FTO: variants seen among roughly 807,000 people sequenced by gnomAD.
The protein encoded by FTO is FTO alpha-ketoglutarate dependent dioxygenase.
A neutral mutation model predicts 63.9 loss-of-function variants in FTO; 47 were observed. That is an observed-to-expected ratio of 0.74 (90% confidence interval 0.58 to 0.94). The LOEUF is 0.94. Among genes scored for constraint, FTO ranks in the 40% least tolerant of loss-of-function variants. FTO has a pLI of 0.00. For synonymous variants in FTO, 207 were observed against 224.4 expected, an observed-to-expected ratio of 0.92 and a Z score of 0.69; for missense variants, 562 against 618.1, an observed-to-expected ratio of 0.91 and a Z score of 0.96.
Position 54,119,675 on chromosome 16 carries a change from G to T in FTO, c.*7760G>T, listed in dbSNP as rs1326057006. 1 of 152,092 alleles carries T rather than the reference G, an allele frequency of 6.6e-6. No individual in the cohort carries two copies. Among genetic ancestry groups the T allele is most frequent in the South Asian group, 2.1e-4 (1 of 4,812 alleles). The allele number at this position is 152,092 out of a possible 1,614,324, so 9.4% of individuals were successfully genotyped here. ...TTAGTAGGCAGCGTATTTCATACAT[G>T]CCCCTTGATCAATGGAATGATCTGT... On this transcript the variant is annotated 3_prime_UTR_variant, in exon 9 of 9. Coordinates refer to ENST00000471389, the MANE Select transcript of FTO (RefSeq NM_001080432.3).
At chr16:53,741,544 G>T (rs998059488) in intron 1 of FTO, among the ~76,000 whole-genome samples, 7 of 152,094 alleles carry the variant, frequency 4.6e-5, no homozygotes, top group Admixed American at 6.5e-5. Flanking sequence ...AATTAAAATT[G>T]ATTTTAATTG....
chr16:53,826,198 C>T lies in FTO; in HGVS notation c.458C>T (p.Ala153Val). The T allele has an allele frequency of 3.1e-6, 5 of 1,614,194 alleles. No individual in the cohort carries two copies. Among genetic ancestry groups the T allele is most frequent in the Non-Finnish European group, 1.7e-6 (2 of 1,180,034 alleles). Residue 153 changes from alanine (A) to valine (V), a missense_variant, in exon 3 of 9, where the codon GCT becomes GTT. Transcript: ENST00000471389. ...TACCTGCAGATAGAAACCATCCAGGCTTTGGAAGAACTTGCTGCCAAAGAG... is the reference window on the plus strand; with the variant it reads ...TACCTGCAGATAGAAACCATCCAGGTTTTGGAAGAACTTGCTGCCAAAGAG... ...NDYLQIETIQ[A>V]LEELAAKEKA...
intron 1 of FTO, among the ~76,000 whole-genome samples, chr16:53,742,432 A>T (rs991722755): frequency 6.6e-6 from 1 of 152,170 alleles, no homozygotes; most frequent in Non-Finnish European, 1.5e-5. Context: ...AAAAATTTCG[A>T]TAATAGACAC....
rs1359399008 is a variant in FTO at position 54,117,630 on chromosome 16, G to C, written c.*5715G>C. Reference sequence around the variant, plus strand: ...CACTATCCCATATATTATCCCATTTGCTCTTCACAGCTTCCATTTTTCGCT... The same window carrying C: ...CACTATCCCATATATTATCCCATTTCCTCTTCACAGCTTCCATTTTTCGCT... On this transcript the variant is annotated 3_prime_UTR_variant, in exon 9 of 9. Coordinates refer to ENST00000471389, the MANE Select transcript of FTO (RefSeq NM_001080432.3). 1 of 152,128 alleles carries C rather than the reference G, an allele frequency of 6.6e-6. No individual in the cohort carries two copies. The highest frequency in any genetic ancestry group is 1.5e-5 in the Non-Finnish European group (1 of 68,032). 9.4% of individuals were successfully genotyped at this position (152,128 alleles called of 1,614,324 possible).
chr16:53,874,647 T>C (rs1283798912), intron 5 of FTO, among the ~76,000 whole-genome samples: 1 of 152,150 alleles, frequency 6.6e-6, no homozygotes, highest in Non-Finnish European at 1.5e-5. Flanking sequence ...AAGTGAGAGG[T>C]ACAGGTGCAA....
chr16:54,083,505 G>A (rs2086194022), intron 8 of FTO, among the ~76,000 whole-genome samples: 1 of 152,218 alleles, frequency 6.6e-6, no homozygotes, highest in Admixed American at 6.5e-5. Flanking sequence ...AATAGTCCTT[G>A]AAATAGTTAC....
intron 8 of FTO, among the ~76,000 whole-genome samples, chr16:54,066,123 G>T (rs568402089): frequency 6.6e-6 from 1 of 152,302 alleles, no homozygotes; most frequent in East Asian, 1.9e-4. Context: ...TAGCATCTGA[G>T]GAGTTACCAC....
chr16:54,054,408 A>C (rs1241373827), intron 8 of FTO: 3 of 152,210 alleles, frequency 2.0e-5, no homozygotes, highest in Admixed American at 2.0e-4. Context: ...TGTGTTCACC[A>C]CACTTCCAAT....
chr16:53,876,530 A>G (rs537574497), intron 5 of FTO, among the ~76,000 whole-genome samples: 3 of 152,362 alleles, frequency 2.0e-5, no homozygotes, highest in Admixed American at 2.0e-4. Context: ...TCTGCAAATC[A>G]TATATCTCAT....
chr16:54,101,347 A>C (rs1384535169), intron 8 of FTO, among the ~76,000 whole-genome samples: 1 of 152,080 alleles, frequency 6.6e-6, no homozygotes, highest in Non-Finnish European at 1.5e-5. Flanking sequence ...GGTTCTTATC[A>C]TTTAACTCCC....
intron 1 of FTO, among the ~76,000 whole-genome samples, chr16:53,766,333 C>T (rs528398363): frequency 4.0e-4 from 61 of 152,246 alleles, no homozygotes; most frequent in Non-Finnish European, 5.6e-4. Context: ...TTCAGCGATC[C>T]TCTCACCTTA....
At chr16:53,732,876 G>A (rs79454374) in intron 1 of FTO, among the ~76,000 whole-genome samples, 8,841 of 152,176 alleles carry the variant, frequency 0.058, 844 homozygotes, top group African/African-American at 0.2. Context: ...GTAAGGAAAA[G>A]AAGGAATCTG....
intron 8 of FTO, among the ~76,000 whole-genome samples, chr16:53,997,182 AGAAG>A (rs371338322): frequency 1.3e-4 from 20 of 151,372 alleles, no homozygotes; most frequent in African/African-American, 4.8e-4. Context: ...AGGGAGAGAA[AGAAG>A]GAAGGAAGGA....
intron 8 of FTO, among the ~76,000 whole-genome samples, 159 bp from the exon 9 acceptor site, chr16:54,111,603 A>G (rs776481855): frequency 6.6e-6 from 1 of 152,102 alleles, no homozygotes; most frequent in Non-Finnish European, 1.5e-5. Context: ...TCTTATAAAC[A>G]CCTGCGTTCC....
intron 8 of FTO, among the ~76,000 whole-genome samples, chr16:54,108,976 G>C (rs2086816836): frequency 6.6e-6 from 1 of 152,204 alleles, no homozygotes; most frequent in Non-Finnish European, 1.5e-5. Flanking sequence ...GGGGACAGAT[G>C]TGCCTTCCAG....
chr16:53,773,685 C>T (rs757185721), intron 1 of FTO, among the ~76,000 whole-genome samples: 42 of 152,296 alleles, frequency 2.8e-4, no homozygotes, highest in Non-Finnish European at 5.1e-4. Context: ...GACTAGTTTT[C>T]GCACATTTGT....
chr16:53,731,727 C>G (rs67159951), intron 1 of FTO, among the ~76,000 whole-genome samples: 13,740 of 150,684 alleles, frequency 0.091, 705 homozygotes, highest in South Asian at 0.19. Context: ...CCTGCGCCAC[C>G]ACGCCCAACT....
chr16:53,878,265 T>A (rs1480465666), intron 5 of FTO, among the ~76,000 whole-genome samples: 2 of 152,074 alleles, frequency 1.3e-5, no homozygotes, highest in East Asian at 3.9e-4. Context: ...GCCACGCCAC[T>A]GTACTCTGGT....
At chr16:53,766,098 A>G (rs964258518) in intron 1 of FTO, among the ~76,000 whole-genome samples, 3 of 152,196 alleles carry the variant, frequency 2.0e-5, no homozygotes, top group African/African-American at 7.2e-5. Context: ...AAGGGGAAGG[A>G]TTTAAGATAC....
Sources: gnomAD v4.1 joint callset for allele counts (sites outside exome capture counted in the v4.1 genomes callset) on GRCh38, gnomAD v4.1.1 for gene constraint, MANE v1.5 for transcripts, NCBI Gene and HGNC (gene_info 2026-07-23, HGNC 2026-07-21) for gene names.